Variants in DAPK1 observed in about 807,000 individuals in gnomAD.
The protein encoded by DAPK1 is death associated protein kinase 1, also known as death-associated protein kinase 1.
In DAPK1, 56 loss-of-function variants were observed where a neutral mutation model predicts 144.9. The observed-to-expected ratio is 0.39, with a 90% confidence interval of 0.31 to 0.48. The LOEUF (loss-of-function observed/expected upper bound fraction) is 0.48. DAPK1 is among the 20% of genes least tolerant of loss of function. The pLI is 0.95. For synonymous variants in DAPK1, 690 were observed against 749.0 expected, an observed-to-expected ratio of 0.92 and a Z score of 1.29; for missense variants, 1,454 against 1,875.4, an observed-to-expected ratio of 0.78 and a Z score of 4.15.
At position 87,659,231 on chromosome 9, in the gene DAPK1, G is replaced by A. The variant is rs115314928; in HGVS notation, c.1923+1104G>A. Among the ~76,000 whole-genome samples, 364 of 152,296 alleles carry A rather than the reference G, an allele frequency of 2.4e-3. 1 individual carries two copies. The highest frequency in any genetic ancestry group is 8.4e-3 in the African/African-American group (351 of 41,566). ...TAATAGGTCTGATCTGTGCAGTGGG[G>A]GGCCCAGCTCTGTGCTTTCTCTGCA... On this transcript the variant is annotated intron_variant, in intron 18 of 25. Transcript: ENST00000408954.
chr9:87,513,583 G>C (rs568123012), intron 2 of DAPK1, among the ~76,000 whole-genome samples: 1 of 152,314 alleles, frequency 6.6e-6, no homozygotes, highest in South Asian at 2.1e-4. Context: ...AGCAGCTGGA[G>C]GTAGGTATTG....
chr9:87,679,025 C>T (rs1824505579), intron 19 of DAPK1, among the ~76,000 whole-genome samples: 1 of 152,208 alleles, frequency 6.6e-6, no homozygotes, highest in South Asian at 2.1e-4. Context: ...ATCAGGAGAT[C>T]AGAAGTAAGT....
intron 19 of DAPK1, 131 bp from the exon 20 acceptor site, chr9:87,681,273 C>T (rs562830711): frequency 2.1e-5 from 8 of 382,862 alleles, no homozygotes; most frequent in African/African-American, 1.2e-4. Flanking sequence ...AGTGAAACTC[C>T]GTCTCAAAAA....
chr9:87,625,119 G>A (rs946469534), intron 3 of DAPK1, among the ~76,000 whole-genome samples: 1 of 152,244 alleles, frequency 6.6e-6, no homozygotes, highest in Non-Finnish European at 1.5e-5. Flanking sequence ...ACAGATGCAA[G>A]AGAGTGTATG....
At chr9:87,573,245 A>G (rs752186575) in intron 2 of DAPK1, among the ~76,000 whole-genome samples, 4 of 152,138 alleles carry the variant, frequency 2.6e-5, no homozygotes, top group African/African-American at 4.8e-5. Context: ...ACAGCTGACA[A>G]CCCACCTCAG....
chr9:87,556,191 C>T (rs34050324), intron 2 of DAPK1, among the ~76,000 whole-genome samples: 35,415 of 152,112 alleles, frequency 0.23, 4,668 homozygotes, highest in Non-Finnish European at 0.31. Flanking sequence ...TTATGCAGCC[C>T]AGCACCTGTG....
At chr9:87,614,729 T>G (rs1407957402) in intron 3 of DAPK1, among the ~76,000 whole-genome samples, 1 of 152,220 alleles carries the variant, frequency 6.6e-6, no homozygotes, top group Admixed American at 6.5e-5. Context: ...TGCTCCAGTA[T>G]GTTCCCCATC....
chr9:87,625,025 A>G (rs1829441179), intron 3 of DAPK1, among the ~76,000 whole-genome samples: 3 of 152,238 alleles, frequency 2.0e-5, no homozygotes, highest in African/African-American at 7.2e-5. Context: ...GCATATGTGT[A>G]GTCCTTAAGA....
At chr9:87,666,020 G>C (rs1185696748) in intron 18 of DAPK1, among the ~76,000 whole-genome samples, 3 of 152,174 alleles carry the variant, frequency 2.0e-5, no homozygotes, top group Non-Finnish European at 4.4e-5. Context: ...GCCTCCGTCG[G>C]GGTGTCCAGT....
chr9:87,601,933 A>G (rs184090104), intron 2 of DAPK1, among the ~76,000 whole-genome samples: 10 of 152,324 alleles, frequency 6.6e-5, no homozygotes, highest in Admixed American at 2.6e-4. Context: ...TGCATTGTGC[A>G]TGGACTACAT....
At chr9:87,622,230 T>C (rs1038182228) in intron 3 of DAPK1, among the ~76,000 whole-genome samples, 1 of 151,996 alleles carries the variant, frequency 6.6e-6, no homozygotes, top group Non-Finnish European at 1.5e-5. Context: ...GAAACAAAAA[T>C]GCAAGCAGAG....
chr9:87,680,606 T>C (rs796529291), intron 19 of DAPK1, among the ~76,000 whole-genome samples: 5 of 152,044 alleles, frequency 3.3e-5, no homozygotes, highest in African/African-American at 1.2e-4. Context: ...AATTATGTTT[T>C]TCTGATAAAT....
chr9:87,520,417 A>C (rs535644511), intron 2 of DAPK1, among the ~76,000 whole-genome samples: 4 of 152,296 alleles, frequency 2.6e-5, no homozygotes, highest in African/African-American at 7.2e-5. Flanking sequence ...AGGGACAGGC[A>C]CAGCTGGAGA....
rs147826612 is a variant in DAPK1, at chr9:87,537,344, C to T, written c.62+38205C>T. Among the ~76,000 whole-genome samples, 486 of 152,238 alleles carry T rather than the reference C, an allele frequency of 3.2e-3. 2 individuals are homozygous for T. Among genetic ancestry groups the T allele is most frequent in the African/African-American group, 0.011 (451 of 41,538 alleles). On this transcript the variant is annotated intron_variant, in intron 2 of 25. Transcript: ENST00000408954. Reference sequence around the variant, plus strand: ...TGTAGTGCATCAGTATCCCCCATCACATAGTGTGTACGCAGTCAGCCAGCT... The same window carrying T: ...TGTAGTGCATCAGTATCCCCCATCATATAGTGTGTACGCAGTCAGCCAGCT...
chr9:87,673,664 G>A (rs774162063), intron 19 of DAPK1, among the ~76,000 whole-genome samples: 2 of 152,086 alleles, frequency 1.3e-5, no homozygotes, highest in African/African-American at 2.4e-5. Flanking sequence ...AAGTGAACTC[G>A]GGCAGTAGTG....
In DAPK1 at chr9:87,681,452, C is replaced by A. The variant is rs779468165; in HGVS notation, c.2050C>A (p.Leu684Met). 6.2e-7 allele frequency: 1 copy of A among 1,613,694 alleles called. No homozygotes were observed. Among genetic ancestry groups the A allele is most frequent in the Admixed American group, 1.7e-5 (1 of 60,018 alleles). ...CCAGCAGCTCCGACCCACACAGAAC[C>A]TGCAGCCAAGAATTAAGCTCAAGCT... Reference protein sequence around the residue: ...FIQQLRPTQNLQPRIKLKLFG... With the variant: ...FIQQLRPTQNMQPRIKLKLFG... The change falls in exon 20 of 26, where the codon CTG (leucine) becomes ATG (methionine). Residue 684 changes from leucine (L) to methionine (M), a missense_variant. Physicochemically the swap from Leu to Met is conservative, Grantham distance 15. Around this residue, in one of 2 missense-constraint regions of DAPK1, gnomAD observed 1,025 missense variants for 1,237.9 expected, o/e 0.83. Coordinates refer to ENST00000408954, the MANE Select transcript of DAPK1 (RefSeq NM_004938.4).
rs1372925524 is a variant in DAPK1, at chr9:87,511,960, C to G, written c.62+12821C>G. ...CTCCTGACCTTAGGTGATCCACCCA[C>G]CTCGGCCTCCCAAAGTGCTGGGATT... On this transcript the variant is annotated intron_variant, in intron 2 of 25. Transcript: ENST00000408954. Among the ~76,000 whole-genome samples, 8 of 152,324 alleles carry G rather than the reference C, an allele frequency of 5.3e-5. No homozygotes were observed. In the East Asian group the frequency reaches 1.4e-3, roughly 26 times the overall value.
At chr9:87,557,308 C>G (rs1263833288) in intron 2 of DAPK1, among the ~76,000 whole-genome samples, 3 of 152,204 alleles carry the variant, frequency 2.0e-5, no homozygotes, top group Non-Finnish European at 4.4e-5. Flanking sequence ...CACCATGGCC[C>G]TGTCAGGGGA....
chr9:87,684,990 A>C (rs899286651), intron 20 of DAPK1, among the ~76,000 whole-genome samples: 2 of 152,218 alleles, frequency 1.3e-5, no homozygotes, highest in Non-Finnish European at 2.9e-5. Context: ...TGTTCCTGAC[A>C]GGCAGGCACC....
Sources: allele counts gnomAD v4.1 joint callset (sites outside exome capture counted in the v4.1 genomes callset), GRCh38; gene constraint gnomAD v4.1.1; regional missense constraint gnomAD v4.1.1; transcripts MANE v1.5; gene names NCBI Gene and HGNC (gene_info 2026-07-23, HGNC 2026-07-21).